Variants in FAF1 observed in about 807,000 individuals in gnomAD.
FAF1 encodes the protein FAS-associated factor 1.
Under a neutral mutation model 92.5 loss-of-function variants are expected in FAF1, and 25 were observed. The observed-to-expected ratio is 0.27, with a 90% CI of 0.20 to 0.38. The LOEUF (loss-of-function observed/expected upper bound fraction) is 0.38, where lower values mean the gene tolerates loss of function less well. Ranked by LOEUF, FAF1 falls within the 10% of genes least tolerant of loss-of-function variation. The probability of loss-of-function intolerance (pLI) is 1.00; values close to 1 mark genes in which losing one functional copy is unlikely to be tolerated. For missense variants in FAF1, 636 were observed against 793.3 expected (o/e 0.80, Z 2.38); for synonymous variants, 234 against 273.2 (o/e 0.86, Z 1.42).
rs1335313362 is a variant in FAF1, at chr1:50,738,864, C to T, written c.550G>A (p.Gly184Ser). The change falls in exon 6 of 19, where the codon GGT becomes AGT. Residue 184 changes from glycine to serine, a missense_variant and splice_region_variant. Transcript: ENST00000396153. ...TCCCAGGAAATATAAACAACTTACC[C>T]AGCATGACTAGATGATGAAGGTGGT... The part of the protein sequence containing the change: ...LPPPSSSSHA[G>S]ALQESLNQNF... 2 of 1,589,610 alleles carry T rather than the reference C, an allele frequency of 1.3e-6. No homozygotes were observed. The highest frequency in any genetic ancestry group is 2.7e-5 in the African/African-American group (2 of 74,072).
chr1:50,814,612 G>C (rs1643949657), intron 2 of FAF1, among the ~76,000 whole-genome samples: 2 of 152,130 alleles, frequency 1.3e-5, no homozygotes, highest in Non-Finnish European at 2.9e-5. Flanking sequence ...CGAATAGTTA[G>C]ATACGTAAGA....
chr1:50,936,799 A>G (rs1328241718), intron 1 of FAF1, among the ~76,000 whole-genome samples: 1 of 152,164 alleles, frequency 6.6e-6, no homozygotes, highest in African/African-American at 2.4e-5. Flanking sequence ...TTAATGCTGA[A>G]GAGAAGAAAT....
intron 18 of FAF1, among the ~76,000 whole-genome samples, chr1:50,458,994 C>T (rs1422943185): frequency 6.8e-6 from 1 of 146,802 alleles, no homozygotes; most frequent in Non-Finnish European, 1.5e-5. Flanking sequence ...TTTTTTGAGA[C>T]AGAGTCTTGT....
At chr1:50,565,365 T>G (rs1650126496) in intron 13 of FAF1, among the ~76,000 whole-genome samples, 3 of 152,078 alleles carry the variant, frequency 2.0e-5, no homozygotes, top group Admixed American at 2.0e-4. Context: ...AAATGTAGAT[T>G]GAAATATCCT....
intron 1 of FAF1, among the ~76,000 whole-genome samples, chr1:50,916,114 A>G (rs1304157631): frequency 6.6e-6 from 1 of 152,188 alleles, no homozygotes; most frequent in African/African-American, 2.4e-5. Context: ...CAGACATTTG[A>G]GGAAAGCCTA....
rs200804864 is a variant in FAF1, at chr1:50,490,593, G to A, written c.1648C>T (p.Arg550Cys). 3.1e-6 allele frequency: 5 copies of A among 1,606,454 alleles called. No individual in the cohort carries two copies. The highest frequency in any genetic ancestry group is 4.3e-6 in the Non-Finnish European group (5 of 1,173,166). The change falls in exon 17 of 19, where the codon CGT becomes TGT. Residue 550 changes from arginine to cysteine, a missense_variant. Around this residue, in one of 2 missense-constraint regions of FAF1, gnomAD observed 319 missense variants for 451.0 expected, o/e 0.71. Coordinates refer to ENST00000396153, the MANE Select transcript of FAF1 (RefSeq NM_007051.3). ...TTCTTAAAATTATGCCCCACCTCAC[G>A]TTCCTCTTCTTGTTCTTTGCGAATC... ...EQIRKEQEEE[R>C]EAIRLSLEQA...
At chr1:50,779,991 G>GACAGACACACAGACACACAC (rs369288416) in intron 4 of FAF1, among the ~76,000 whole-genome samples, 1 of 145,440 alleles carries the variant, frequency 6.9e-6, no homozygotes, top group South Asian at 2.2e-4. Flanking sequence ...CAGACAGACA[G>GACAGACACACAGACACACAC]ACACACACAC....
intron 3 of FAF1, 58 bp from the exon 4 acceptor site, chr1:50,788,263 T>C (rs543531661): frequency 1.4e-6 from 2 of 1,418,832 alleles, no homozygotes; most frequent in African/African-American, 2.8e-5. Flanking sequence ...AGAATACTAC[T>C]AGGGACCCTC....
At chr1:50,736,212 T>C (rs1659129345) in intron 6 of FAF1, among the ~76,000 whole-genome samples, 5 of 152,228 alleles carry the variant, frequency 3.3e-5, no homozygotes, top group Admixed American at 3.3e-4. Flanking sequence ...CATTTGCCAA[T>C]TCCCAAATAT....
chr1:50,887,473 T>C (rs980946796), intron 1 of FAF1, among the ~76,000 whole-genome samples: 2 of 152,210 alleles, frequency 1.3e-5, no homozygotes, highest in South Asian at 2.1e-4. Flanking sequence ...CTGAATGGTA[T>C]TGCCTACATT....
At chr1:50,831,782 C>T (rs955039184) in intron 2 of FAF1, among the ~76,000 whole-genome samples, 4 of 132,012 alleles carry the variant, frequency 3.0e-5, no homozygotes, top group Non-Finnish European at 4.7e-5. Context: ...TCCTAGAACC[C>T]ATAAGAGTAT....
intron 6 of FAF1, among the ~76,000 whole-genome samples, chr1:50,722,714 T>G (rs1658465800): frequency 6.6e-6 from 1 of 151,796 alleles, no homozygotes; most frequent in South Asian, 2.1e-4. Flanking sequence ...CTCTGTGACT[T>G]GGCAAAGAGA....
At chr1:50,658,121 G>A (rs771308037) in intron 7 of FAF1, among the ~76,000 whole-genome samples, 5 of 152,002 alleles carry the variant, frequency 3.3e-5, no homozygotes, top group Non-Finnish European at 5.9e-5. Flanking sequence ...AGAGTGTTAC[G>A]TTAATAAAAG....
intron 2 of FAF1, among the ~76,000 whole-genome samples, chr1:50,835,811 G>A (rs1325397999): frequency 6.6e-6 from 1 of 152,108 alleles, no homozygotes; most frequent in Non-Finnish European, 1.5e-5. Flanking sequence ...TATAGTAATT[G>A]TAGGATGGCT....
intron 9 of FAF1, among the ~76,000 whole-genome samples, chr1:50,594,400 T>C (rs1651685249): frequency 6.6e-6 from 1 of 152,116 alleles, no homozygotes; most frequent in Admixed American, 6.5e-5. Flanking sequence ...TTTTGAAGTC[T>C]TGGTGATGAC....
chr1:50,752,238 C>A (rs1400654815), intron 4 of FAF1, among the ~76,000 whole-genome samples: 1 of 152,088 alleles, frequency 6.6e-6, no homozygotes, highest in African/African-American at 2.4e-5. Flanking sequence ...CCCCAAAGTG[C>A]TAGGATTACA....
intron 15 of FAF1, among the ~76,000 whole-genome samples, chr1:50,516,759 T>C (rs139622183): frequency 1.3e-5 from 2 of 152,216 alleles, no homozygotes; most frequent in South Asian, 4.1e-4. Context: ...TAATTAGATA[T>C]CTACAGCTAT....
intron 17 of FAF1, among the ~76,000 whole-genome samples, chr1:50,483,117 T>C (rs1299562264): frequency 2.0e-5 from 3 of 152,214 alleles, no homozygotes; most frequent in East Asian, 1.9e-4. Flanking sequence ...TTTTAGATTT[T>C]ACATTTAGGT....
intron 15 of FAF1, among the ~76,000 whole-genome samples, chr1:50,524,774 T>C (rs1416405366): frequency 6.6e-6 from 1 of 152,238 alleles, no homozygotes; most frequent in African/African-American, 2.4e-5. Flanking sequence ...ACCATGTTAT[T>C]TTGGGTACTG....
Sources: allele counts gnomAD v4.1 joint callset (sites outside exome capture counted in the v4.1 genomes callset), GRCh38; gene constraint gnomAD v4.1.1; regional missense constraint gnomAD v4.1.1; transcripts MANE v1.5; gene names NCBI Gene and HGNC (gene_info 2026-07-23, HGNC 2026-07-21).